The following GRIP1 variants were observed in gnomAD, a reference collection of about 807,000 sequenced individuals.
The protein encoded by GRIP1 is glutamate receptor interacting protein 1.
A neutral mutation model predicts 129.9 loss-of-function variants in GRIP1; 45 were observed. That is an observed-to-expected ratio of 0.35 (90% CI 0.27 to 0.44). GRIP1 has a LOEUF of 0.44. GRIP1 is among the 20% of genes least tolerant of loss of function. The probability of loss-of-function intolerance (pLI) is 1.00; values close to 1 mark genes in which losing one functional copy is unlikely to be tolerated. For missense variants in GRIP1, 1,196 were observed against 1,396.8 expected, an observed-to-expected ratio of 0.86 and a Z score of 2.29; for synonymous variants, 530 against 520.8, an observed-to-expected ratio of 1.02 and a Z score of -0.24.
intron 5 of GRIP1, among the ~76,000 whole-genome samples, chr12:66,524,015 C>T (rs1436428583): frequency 6.6e-6 from 1 of 152,008 alleles, no homozygotes. Context: ...ACAGGAGCAC[C>T]CAGATTCATA....
At chr12:66,608,069 A>G (rs910661473) in intron 1 of GRIP1, among the ~76,000 whole-genome samples, 4 of 152,160 alleles carry the variant, frequency 2.6e-5, no homozygotes, top group African/African-American at 9.6e-5. Flanking sequence ...TGGGAATAAC[A>G]TATTTCATAC....
intron 2 of GRIP1, chr12:66,563,778 T>C (rs1352600517): frequency 6.6e-6 from 1 of 152,174 alleles, no homozygotes; most frequent in Non-Finnish European, 1.5e-5. Flanking sequence ...ATGCATTGTA[T>C]ATAATTAAAT....
At chr12:66,812,483 T>A (rs942884533) in intron 1 of GRIP1, among the ~76,000 whole-genome samples, 3 of 152,236 alleles carry the variant, frequency 2.0e-5, no homozygotes, top group African/African-American at 7.2e-5. Context: ...TTCGTCTGTT[T>A]GTTCATTTAT....
chr12:66,480,770 C>T lies in GRIP1; in HGVS notation c.725-15348G>A, dbSNP rs142929877. On this transcript the variant is annotated intron_variant, in intron 7 of 24. Coordinates refer to ENST00000359742, the MANE Select transcript of GRIP1 (RefSeq NM_001366722.1). ...AGAAATAATACCACACATCTACAAC[C>T]ATCTGATCTTTGAAAAACCTGACAA... Among the ~76,000 whole-genome samples the T allele has an allele frequency of 7.2e-5, 11 of 152,210 alleles. No homozygotes were observed. In the East Asian group the frequency reaches 2.1e-3, roughly 29 times the overall value.
chr12:66,438,883 C>A (rs2058391577), intron 13 of GRIP1, among the ~76,000 whole-genome samples: 1 of 152,144 alleles, frequency 6.6e-6, no homozygotes, highest in African/African-American at 2.4e-5. Flanking sequence ...ACAAAACCCA[C>A]AAAGTCCCTG....
Position 67,065,429 on chromosome 12 carries a change from G to T in GRIP1, c.58+3621C>A, listed in dbSNP as rs151270826. Among the ~76,000 whole-genome samples, 248 of 152,264 alleles carry T rather than the reference G, an allele frequency of 1.6e-3. 1 individual carries two copies. Among genetic ancestry groups the T allele is most frequent in the African/African-American group, 5.9e-3 (244 of 41,544 alleles). Reference sequence around the variant, plus strand: ...ACTTGTAAGAGGAAAAAAAGGCAAGGGGGTGAAGTGCTATAAAAAATGCAT... The same window carrying T: ...ACTTGTAAGAGGAAAAAAAGGCAAGTGGGTGAAGTGCTATAAAAAATGCAT... On this transcript the variant is annotated intron_variant, in intron 1 of 1. Transcript: ENST00000643019.
At chr12:66,922,917 C>G (rs896466898) in intron 1 of GRIP1, among the ~76,000 whole-genome samples, 2 of 152,148 alleles carry the variant, frequency 1.3e-5, no homozygotes, top group Non-Finnish European at 2.9e-5. Context: ...GCTGAATGCA[C>G]TATACATTAA....
chr12:66,608,251 A>G (rs1030527302), intron 1 of GRIP1, among the ~76,000 whole-genome samples: 26 of 152,164 alleles, frequency 1.7e-4, no homozygotes, highest in Non-Finnish European at 2.6e-4. Context: ...TCAAAGCTGT[A>G]GTTTGGATAC....
intron 1 of GRIP1, among the ~76,000 whole-genome samples, chr12:66,652,880 G>A (rs749154742): frequency 6.6e-6 from 1 of 152,236 alleles, no homozygotes; most frequent in Non-Finnish European, 1.5e-5. Flanking sequence ...AGAGCCAGAT[G>A]AGGGTTATGA....
intron 1 of GRIP1, among the ~76,000 whole-genome samples, chr12:67,012,386 T>C (rs1419998354): frequency 1.3e-5 from 2 of 152,196 alleles, no homozygotes; most frequent in South Asian, 2.1e-4. Context: ...CTGGGTTATC[T>C]AATGAGAGCC....
At chr12:66,527,851 A>G (rs1277785677) in intron 5 of GRIP1, among the ~76,000 whole-genome samples, 1 of 152,012 alleles carries the variant, frequency 6.6e-6, no homozygotes, top group Non-Finnish European at 1.5e-5. Flanking sequence ...TGAGGATTGA[A>G]AAACTGATTG....
Position 66,607,243 on chromosome 12 carries a change from G to T in GRIP1, c.56-10316C>A, listed in dbSNP as rs367621582. 2.6e-4 allele frequency among the ~76,000 whole-genome samples: 39 copies of T among 152,208 alleles called. 1 individual carries two copies. The highest frequency in any genetic ancestry group is 8.9e-4 in the African/African-American group (37 of 41,550). ...ATCATGAATTCTTGGTTTAATTTAT[G>T]ATATAAGATGCAAGATTCTTTCCAG... is the stretch of plus-strand genomic sequence containing the variant. On this transcript the variant is annotated intron_variant, in intron 1 of 24. Transcript: ENST00000359742.
chr12:66,702,631 C>T (rs1445313870), intron 1 of GRIP1, among the ~76,000 whole-genome samples: 1 of 151,982 alleles, frequency 6.6e-6, no homozygotes, highest in African/African-American at 2.4e-5. Flanking sequence ...AAGACAACCT[C>T]AATTAAAAAG....
At chr12:66,581,971 C>T (rs1177282809) in intron 2 of GRIP1, among the ~76,000 whole-genome samples, 2 of 152,158 alleles carry the variant, frequency 1.3e-5, no homozygotes, top group East Asian at 1.9e-4. Context: ...ATTTTAGACC[C>T]GTATCCTTGA....
chr12:66,600,129 T>C (rs2064215563), intron 1 of GRIP1, among the ~76,000 whole-genome samples: 1 of 152,232 alleles, frequency 6.6e-6, no homozygotes, highest in African/African-American at 2.4e-5. Flanking sequence ...TCCACATATT[T>C]GTTGCCTAAA....
intron 1 of GRIP1, among the ~76,000 whole-genome samples, chr12:66,721,905 G>T (rs2036069735): frequency 6.6e-6 from 1 of 152,012 alleles, no homozygotes; most frequent in Non-Finnish European, 1.5e-5. Flanking sequence ...ACCTCTTCTA[G>T]CTTCAAACTT....
chr12:66,694,327 C>A (rs1565971954), intron 1 of GRIP1, among the ~76,000 whole-genome samples: 1 of 152,096 alleles, frequency 6.6e-6, no homozygotes, highest in Non-Finnish European at 1.5e-5. Flanking sequence ...TTTTAAAAAA[C>A]TTTTTTATTT....
At chr12:66,580,300 A>G (rs1166700813) in intron 2 of GRIP1, among the ~76,000 whole-genome samples, 1 of 151,462 alleles carries the variant, frequency 6.6e-6, no homozygotes, top group Non-Finnish European at 1.5e-5. Context: ...CTGCTGCAAA[A>G]TCATGCCAAA....
chr12:66,745,515 A>T (rs2036916557), intron 1 of GRIP1, among the ~76,000 whole-genome samples: 1 of 152,204 alleles, frequency 6.6e-6, no homozygotes, highest in African/African-American at 2.4e-5. Flanking sequence ...GTTCTTGAGC[A>T]GCTTACCTTC....
Sources: allele counts gnomAD v4.1 joint callset (sites outside exome capture counted in the v4.1 genomes callset), GRCh38; gene constraint gnomAD v4.1.1; transcripts MANE v1.5; gene names NCBI Gene and HGNC (gene_info 2026-07-23, HGNC 2026-07-21).